The following COA7 variants were observed in gnomAD, a reference collection of about 807,000 sequenced individuals.
COA7 encodes the protein cytochrome c oxidase assembly factor 7.
Under a neutral mutation model 21.0 loss-of-function variants are expected in COA7, and 12 were observed. That is an observed-to-expected ratio of 0.57 (90% CI 0.37 to 0.92). The LOEUF is 0.92. Among genes scored for constraint, COA7 ranks in the 40% least tolerant of loss-of-function variants. COA7 has a pLI of 0.01. For synonymous variants in COA7, 95 were observed against 107.4 expected, an observed-to-expected ratio of 0.88 and a Z score of 0.72; for missense variants, 240 against 286.1, an observed-to-expected ratio of 0.84 and a Z score of 1.16.
Position 52,684,795 on chromosome 1 carries a change from C to G in COA7, c.*2925G>C, listed in dbSNP as rs1034878670. The G allele has an allele frequency of 1.3e-5, 2 of 152,148 alleles. No individual in the cohort carries two copies. Among genetic ancestry groups the G allele is most frequent in the African/African-American group, 4.8e-5 (2 of 41,434 alleles). 9.4% of individuals were successfully genotyped at this position (152,148 alleles called of 1,614,324 possible). ...CCAATTATTCCTCCCTCCCCTCCCC[C>G]ACCCACTGCTTTTTACTGTCTCCAT... On this transcript the variant is annotated 3_prime_UTR_variant, in exon 3 of 3. Transcript: ENST00000371538.
In COA7 at chr1:52,693,016, C is replaced by A. The variant is rs547312624; in HGVS notation, c.107-149G>T. 1.3e-5 allele frequency: 10 copies of A among 771,016 alleles called. No homozygotes were observed. In the East Asian group the frequency reaches 2.5e-4, roughly 19 times the overall value. 47.8% of individuals were successfully genotyped at this position (771,016 alleles called of 1,614,324 possible). On this transcript the variant is annotated intron_variant, in intron 1 of 2. Coordinates refer to ENST00000371538, the MANE Select transcript of COA7 (RefSeq NM_023077.3). Reference sequence around the variant, plus strand: ...CCTGATGTGTGGCAAGTTGGCCTTACCACAAAGAATGTAGGTGGTGTTTAG... The same window carrying A: ...CCTGATGTGTGGCAAGTTGGCCTTAACACAAAGAATGTAGGTGGTGTTTAG...
At chr1:52,691,167 G>A (rs1173881980) in intron 2 of COA7, among the ~76,000 whole-genome samples, 1 of 151,840 alleles carries the variant, frequency 6.6e-6, no homozygotes, top group East Asian at 1.9e-4. Flanking sequence ...CCTTACCCTA[G>A]CACTTTGAGA....
At chr1:52,697,003 G>A (rs1212033292) in intron 1 of COA7, among the ~76,000 whole-genome samples, 1 of 152,028 alleles carries the variant, frequency 6.6e-6, no homozygotes, top group Non-Finnish European at 1.5e-5. Flanking sequence ...CAGCTACTCG[G>A]GAGGCTGAGG....
intron 1 of COA7, among the ~76,000 whole-genome samples, chr1:52,694,921 G>A (rs948612419): frequency 7.2e-5 from 11 of 152,136 alleles, no homozygotes; most frequent in Admixed American, 5.2e-4. Context: ...CCAGACCATA[G>A]GCCTCGTGAA....
At chr1:52,695,527 G>A (rs1644078119) in intron 1 of COA7, among the ~76,000 whole-genome samples, 1 of 151,820 alleles carries the variant, frequency 6.6e-6, no homozygotes, top group African/African-American at 2.4e-5. Context: ...CAACAAAAAC[G>A]TTACTCTGGT....
In COA7 at chr1:52,698,268, A is replaced by G. The variant is rs1471649447; in HGVS notation, c.59T>C (p.Met20Thr). 4 of 1,612,922 alleles carry G rather than the reference A, an allele frequency of 2.5e-6. No homozygotes were observed. Among genetic ancestry groups the G allele is most frequent in the Admixed American group, 1.7e-5 (1 of 60,008 alleles). ...EEQVKSFLEN[M>T]EVECNYHCYH... ...GCAGTGGTAGTTGCACTCCACCTCCATGTTCTCCAAAAAGGACTTGACCTG... is the reference window on the plus strand; with the variant it reads ...GCAGTGGTAGTTGCACTCCACCTCCGTGTTCTCCAAAAAGGACTTGACCTG... The change falls in exon 1 of 3, where the codon ATG (methionine) becomes ACG (threonine). Residue 20 changes from methionine to threonine, a missense_variant. By Grantham distance (81) the Met-to-Thr change is moderately conservative (BLOSUM62 -1). Coordinates refer to ENST00000371538, the MANE Select transcript of COA7 (RefSeq NM_023077.3).
At chr1:52,692,994 G>T in intron 1 of COA7, 127 bp from the exon 2 acceptor site, 1 of 955,722 alleles carries the variant, frequency 1.0e-6, no homozygotes, top group Non-Finnish European at 1.6e-6. Flanking sequence ...CTGTCCTCCT[G>T]ATGTGTGGCA....
chr1:52,697,629 G>C (rs1289611016), intron 1 of COA7, among the ~76,000 whole-genome samples: 1 of 152,128 alleles, frequency 6.6e-6, no homozygotes, highest in Non-Finnish European at 1.5e-5. Flanking sequence ...CTGGAGTGCA[G>C]TGGCGCGATC....
chr1:52,693,019 C>A, intron 1 of COA7, 152 bp from the exon 2 acceptor site: 6 of 752,328 alleles, frequency 8.0e-6, no homozygotes, highest in Non-Finnish European at 8.8e-6. Flanking sequence ...GGCCTTACCA[C>A]AAAGAATGTA....
chr1:52,688,199 C>A lies in COA7; in HGVS notation c.248-31G>T, dbSNP rs567824078. The A allele has an allele frequency of 1.9e-6, 3 of 1,577,028 alleles. No homozygotes were observed. In the African/African-American group the frequency reaches 4.0e-5, roughly 21 times the overall value. On this transcript the variant is annotated intron_variant, in intron 2 of 2. Transcript: ENST00000371538. ...AGGAAGGAAAGTAGGAAAAAATAAA[C>A]CCAAGCCAGGGCACAACCTAAATGT...
In COA7 at chr1:52,692,628, A is replaced by G. The variant is rs187818221; in HGVS notation, c.247+99T>C. On this transcript the variant is annotated intron_variant, in intron 2 of 2. Coordinates refer to ENST00000371538, the MANE Select transcript of COA7 (RefSeq NM_023077.3). ...CATCTTCCTACAATGCACTTTCCCAATGCCTGCGAGACCCTTCTGCAAGAG... is the reference window on the plus strand; with the variant it reads ...CATCTTCCTACAATGCACTTTCCCAGTGCCTGCGAGACCCTTCTGCAAGAG... 2.4e-5 allele frequency: 33 copies of G among 1,388,372 alleles called. No individual in the cohort carries two copies. The Admixed American group carries it at 4.9e-4, about 21-fold the overall frequency. 86.0% of individuals were successfully genotyped at this position (1,388,372 alleles called of 1,614,324 possible). A position where few individuals can be genotyped will look rare whatever the true frequency, so the allele number is the denominator to read the frequency against.
At chr1:52,689,207 G>GT (rs1437448226) in intron 2 of COA7, among the ~76,000 whole-genome samples, 5 of 151,136 alleles carry the variant, frequency 3.3e-5, no homozygotes, top group African/African-American at 1.2e-4. Context: ...CCAGGCTGGA[G>GT]TGCAGTGGCG....
chr1:52,697,545 T>C (rs1644092575), intron 1 of COA7, among the ~76,000 whole-genome samples: 1 of 152,270 alleles, frequency 6.6e-6, no homozygotes, highest in Non-Finnish European at 1.5e-5. Flanking sequence ...CTTCACCCAG[T>C]CTTTTTTCCA....
At position 52,695,971 on chromosome 1, in the gene COA7, C is replaced by T. The variant is rs181519021; in HGVS notation, c.106+2250G>A. On this transcript the variant is annotated intron_variant, in intron 1 of 2. Coordinates refer to ENST00000371538, the MANE Select transcript of COA7 (RefSeq NM_023077.3). ...CCCTGACATACTGTGGGCCAGACTC[C>T]CGCTTCAAACGTACTAAATCCTGAC... Among the ~76,000 whole-genome samples, 12 of 152,270 alleles carry T rather than the reference C, an allele frequency of 7.9e-5. No individual in the cohort carries two copies. In the East Asian group the frequency reaches 2.3e-3, roughly 29 times the overall value.
At chr1:52,695,006 G>A (rs1224583828) in intron 1 of COA7, among the ~76,000 whole-genome samples, 1 of 152,072 alleles carries the variant, frequency 6.6e-6, no homozygotes, top group Non-Finnish European at 1.5e-5. Flanking sequence ...TAAGTAATAT[G>A]ATTCAGGCCA....
At chr1:52,689,299 G>T (rs991647213) in intron 2 of COA7, among the ~76,000 whole-genome samples, 1 of 151,664 alleles carries the variant, frequency 6.6e-6, no homozygotes, top group Non-Finnish European at 1.5e-5. Flanking sequence ...GGGATTACAG[G>T]TGCATGCCAC....
At chr1:52,698,017 C>G in intron 1 of COA7, 3 of 570,932 alleles carry the variant, frequency 5.3e-6, no homozygotes, top group East Asian at 6.0e-5. Context: ...AGCCCCAGCA[C>G]GTCTCTTCCT....
Position 52,698,302 on chromosome 1 carries a change from C to T in COA7, c.25G>A (p.Asp9Asn), listed in dbSNP as rs1217365636. 1.2e-6 allele frequency: 2 copies of T among 1,612,240 alleles called. No homozygotes were observed. The highest frequency in any genetic ancestry group is 1.7e-5 in the Admixed American group (1 of 60,012). The stretch of plus-strand genomic sequence containing the variant: ...AAAAAGGACTTGACCTGCTCCTCAT[C>T]CTGGAAGTCCACCATGCCGGCCATG... MAGMVDFQ[D>N]EEQVKSFLEN... The change falls in exon 1 of 3, where the codon GAT (aspartate) becomes AAT (asparagine). Residue 9 changes from aspartate to asparagine, a missense_variant. Coordinates refer to ENST00000371538, the MANE Select transcript of COA7 (RefSeq NM_023077.3).
chr1:52,684,532 T>A lies in COA7; in HGVS notation c.*3188A>T, dbSNP rs1433656298. Reference sequence around the variant, plus strand: ...AGGGTACAGAGATTTCCCATATAGTTGTTGTCCCCACACATGCATAGTCTC... The same window carrying A: ...AGGGTACAGAGATTTCCCATATAGTAGTTGTCCCCACACATGCATAGTCTC... On this transcript the variant is annotated 3_prime_UTR_variant, in exon 3 of 3. Coordinates refer to ENST00000371538, the MANE Select transcript of COA7 (RefSeq NM_023077.3). The A allele has an allele frequency of 6.6e-6, 1 of 152,194 alleles. No homozygotes were observed. Among genetic ancestry groups the A allele is most frequent in the African/African-American group, 2.4e-5 (1 of 41,436 alleles). The allele number at this position is 152,194 out of a possible 1,614,324, so 9.4% of individuals were successfully genotyped here.
Sources: allele counts gnomAD v4.1 joint callset (sites outside exome capture counted in the v4.1 genomes callset), GRCh38; gene constraint gnomAD v4.1.1; transcripts MANE v1.5; gene names NCBI Gene and HGNC (gene_info 2026-07-23, HGNC 2026-07-21).